Variants in KCNAB1 observed in about 807,000 individuals in gnomAD.
KCNAB1 encodes the protein potassium voltage-gated channel subfamily A regulatory beta subunit 1, also known as voltage-gated potassium channel subunit beta-1.
In KCNAB1, 35 loss-of-function variants were observed where a neutral mutation model predicts 64.6. The observed-to-expected ratio is 0.54, with a 90% confidence interval of 0.41 to 0.72. The LOEUF (loss-of-function observed/expected upper bound fraction) is 0.72. KCNAB1 is among the 30% of genes least tolerant of loss of function. The pLI is 0.00. For missense variants in KCNAB1, 401 were observed against 512.9 expected (o/e 0.78, Z 2.11); for synonymous variants, 177 against 183.8 (o/e 0.96, Z 0.30).
rs571016986 is a variant in KCNAB1, at chr3:156,521,961, T to G, written c.961-1866T>G. ...ATAATTGCTTTTTTCTTTTTAATTT[T>G]TTTTTTACTTTTGGAAGTCTGTCTC... On this transcript the variant is annotated intron_variant, in intron 11 of 13. Transcript: ENST00000490337. Among the ~76,000 whole-genome samples, 4 of 151,288 alleles carry G rather than the reference T, an allele frequency of 2.6e-5. No individual in the cohort carries two copies. In the South Asian group the frequency reaches 8.4e-4, roughly 32 times the overall value.
chr3:156,357,202 C>T (rs753025368), intron 1 of KCNAB1, among the ~76,000 whole-genome samples: 1 of 151,600 alleles, frequency 6.6e-6, no homozygotes, highest in Non-Finnish European at 1.5e-5. Context: ...TTCTGAAACT[C>T]GATTATCTTA....
At chr3:156,444,370 C>T (rs1717250736) in intron 2 of KCNAB1, among the ~76,000 whole-genome samples, 1 of 152,140 alleles carries the variant, frequency 6.6e-6, no homozygotes, top group Non-Finnish European at 1.5e-5. Context: ...TTCTAATGCA[C>T]CCTGAAGAGT....
intron 1 of KCNAB1, among the ~76,000 whole-genome samples, chr3:156,421,075 C>T (rs1283777838): frequency 6.6e-6 from 1 of 151,430 alleles, no homozygotes; most frequent in East Asian, 1.9e-4. Flanking sequence ...TAATAATTCA[C>T]ATCCATTAGA....
chr3:156,372,461 C>T (rs1726372978), intron 1 of KCNAB1, among the ~76,000 whole-genome samples: 1 of 152,212 alleles, frequency 6.6e-6, no homozygotes, highest in African/African-American at 2.4e-5. Context: ...GATTGCTGGG[C>T]CCCACCCTGG....
intron 1 of KCNAB1, among the ~76,000 whole-genome samples, chr3:156,140,124 A>G (rs1037577184): frequency 6.6e-6 from 1 of 152,220 alleles, no homozygotes; most frequent in Admixed American, 6.5e-5. Context: ...ATCTTTGTCA[A>G]TAAAAGATAA....
intron 7 of KCNAB1, among the ~76,000 whole-genome samples, chr3:156,471,771 C>T (rs746436719): frequency 7.2e-5 from 11 of 152,208 alleles, no homozygotes; most frequent in Non-Finnish European, 1.5e-4. Flanking sequence ...AGGAGATACT[C>T]ATGAAACATA....
At chr3:156,126,704 C>T (rs867505845) in intron 1 of KCNAB1, among the ~76,000 whole-genome samples, 39 of 152,272 alleles carry the variant, frequency 2.6e-4, no homozygotes, top group Middle Eastern at 3.4e-3. Context: ...GCCACAGATC[C>T]TGGAGCTAGG....
chr3:156,258,697 A>G (rs1258610075), intron 1 of KCNAB1, among the ~76,000 whole-genome samples: 1 of 152,178 alleles, frequency 6.6e-6, no homozygotes, highest in Non-Finnish European at 1.5e-5. Flanking sequence ...GAAAGAACAT[A>G]TTTTTCTCAT....
intron 1 of KCNAB1, among the ~76,000 whole-genome samples, chr3:156,185,668 A>G (rs894395151): frequency 6.6e-6 from 1 of 152,162 alleles, no homozygotes; most frequent in African/African-American, 2.4e-5. Context: ...AACTAGGAAG[A>G]TAAGGGTTAG....
chr3:156,332,032 C>T (rs1376152511), intron 1 of KCNAB1, among the ~76,000 whole-genome samples: 1 of 152,158 alleles, frequency 6.6e-6, no homozygotes, highest in Non-Finnish European at 1.5e-5. Context: ...TGCAGCCTTC[C>T]TTCAGTTCAT....
At chr3:156,350,793 C>T (rs1724807066) in intron 1 of KCNAB1, among the ~76,000 whole-genome samples, 1 of 152,224 alleles carries the variant, frequency 6.6e-6, no homozygotes, top group Admixed American at 6.5e-5. Flanking sequence ...GCCAGAGATC[C>T]TATATCACAA....
chr3:156,357,635 T>A lies in KCNAB1; in HGVS notation c.276-63981T>A, dbSNP rs115062909. Among the ~76,000 whole-genome samples the A allele has an allele frequency of 6.0e-3, 913 of 152,238 alleles. 10 individuals are homozygous for A. The highest frequency in any genetic ancestry group is 0.02 in the African/African-American group (826 of 41,572). ...GTGTAAATTTAAGTTTTCTAGTAGC[T>A]GTATTTAAAAAGTCAAAAGAAACAG... On this transcript the variant is annotated intron_variant, in intron 1 of 13. Transcript: ENST00000490337.
intron 8 of KCNAB1, among the ~76,000 whole-genome samples, chr3:156,499,108 G>T (rs1216109321): frequency 1.3e-5 from 2 of 152,204 alleles, no homozygotes; most frequent in African/African-American, 2.4e-5. Flanking sequence ...GAGAAAGTTA[G>T]TTAAGGCTTT....
At chr3:156,276,689 T>A (rs1389961815) in intron 1 of KCNAB1, among the ~76,000 whole-genome samples, 1 of 152,186 alleles carries the variant, frequency 6.6e-6, no homozygotes, top group Non-Finnish European at 1.5e-5. Flanking sequence ...CATCAACCTC[T>A]GCTAGCTTTA....
chr3:156,423,082 A>T (rs925969991), intron 2 of KCNAB1, among the ~76,000 whole-genome samples: 52 of 152,300 alleles, frequency 3.4e-4, no homozygotes, highest in African/African-American at 9.9e-4. Flanking sequence ...AGTTTAAAGC[A>T]TAATTGGAAT....
chr3:156,145,995 C>T (rs552016496), intron 1 of KCNAB1, among the ~76,000 whole-genome samples: 8 of 152,156 alleles, frequency 5.3e-5, no homozygotes, highest in Admixed American at 2.0e-4. Flanking sequence ...CTGGAAGAGC[C>T]GGGTAAGCTG....
intron 1 of KCNAB1, among the ~76,000 whole-genome samples, chr3:156,379,004 C>T (rs1711944987): frequency 6.6e-6 from 1 of 152,216 alleles, no homozygotes; most frequent in Non-Finnish European, 1.5e-5. Flanking sequence ...TGTGGGGGCT[C>T]TTGCCTGCAA....
At chr3:156,510,117 CT>C (rs36060282) in intron 8 of KCNAB1, among the ~76,000 whole-genome samples, 3 of 152,200 alleles carry the variant, frequency 2.0e-5, no homozygotes, top group Admixed American at 6.5e-5. Context: ...ACAGAGTTCC[CT>C]TTTCCCAATT....
rs1576991153 is a variant in KCNAB1 at position 156,537,281 on chromosome 3, G to C, written c.*534G>C. On this transcript the variant is annotated 3_prime_UTR_variant, in exon 14 of 14. Transcript: ENST00000490337. ...GTATCTTCACTCAAAAGTCTTGCTT[G>C]GAAGAATAAGCAGAAATAATTTTAT... is the stretch of plus-strand genomic sequence containing the variant. 7.8e-6 allele frequency: 3 copies of C among 382,168 alleles called. No homozygotes were observed. Among genetic ancestry groups the C allele is most frequent in the Non-Finnish European group, 1.4e-5 (3 of 218,180 alleles). The allele number at this position is 382,168 out of a possible 1,614,324, so 23.7% of individuals were successfully genotyped here.
Sources: gnomAD v4.1 joint callset for allele counts (sites outside exome capture counted in the v4.1 genomes callset) on GRCh38, gnomAD v4.1.1 for gene constraint, MANE v1.5 for transcripts, NCBI Gene and HGNC (gene_info 2026-07-23, HGNC 2026-07-21) for gene names.